Variants in ASXL2 observed in about 807,000 individuals in gnomAD.
ASXL2 encodes putative Polycomb group protein ASXL2.
ASXL2 carries 23 observed loss-of-function variants against 122.0 expected under a neutral mutation model. The observed-to-expected ratio is 0.19, with a 90% confidence interval of 0.14 to 0.27. The LOEUF is 0.27. Ranked by LOEUF, ASXL2 falls within the 10% of genes least tolerant of loss-of-function variation. The probability of loss-of-function intolerance (pLI) is 1.00; values close to 1 mark genes in which losing one functional copy is unlikely to be tolerated. For synonymous variants in ASXL2, 650 were observed against 637.0 expected, an observed-to-expected ratio of 1.02 and a Z score of -0.31; for missense variants, 1,518 against 1,713.8, an observed-to-expected ratio of 0.89 and a Z score of 2.02.
At chr2:25,786,209 A>G (rs1008518468) in intron 5 of ASXL2, among the ~76,000 whole-genome samples, 5 of 151,648 alleles carry the variant, frequency 3.3e-5, no homozygotes, top group Admixed American at 1.3e-4. Flanking sequence ...TCTACTAAAA[A>G]GTATCTACAA....
chr2:25,828,579 A>G (rs1179039645), intron 3 of ASXL2, among the ~76,000 whole-genome samples: 32 of 151,192 alleles, frequency 2.1e-4, no homozygotes, highest in Admixed American at 2.1e-3. Flanking sequence ...TAATCCCAGC[A>G]CCTTGGGAGA....
At chr2:25,860,909 G>C (rs1361993715) in intron 1 of ASXL2, among the ~76,000 whole-genome samples, 1 of 151,678 alleles carries the variant, frequency 6.6e-6, no homozygotes, top group African/African-American at 2.4e-5. Flanking sequence ...CTACTTGGGA[G>C]GCTGAGGTGG....
At chr2:25,762,395 G>A (rs1204771062) in intron 8 of ASXL2, among the ~76,000 whole-genome samples, 3 of 151,450 alleles carry the variant, frequency 2.0e-5, no homozygotes, top group East Asian at 1.9e-4. Flanking sequence ...GCTGGGAGTC[G>A]TGGCCCATGC....
chr2:25,807,397 GAGA>G (rs1342610148), intron 3 of ASXL2, among the ~76,000 whole-genome samples: 2 of 152,174 alleles, frequency 1.3e-5, no homozygotes, highest in Non-Finnish European at 2.9e-5. Context: ...CGAAAATACA[GAGA>G]AGGTTTTCAT....
intron 2 of ASXL2, among the ~76,000 whole-genome samples, chr2:25,839,059 T>C (rs975463417): frequency 6.6e-6 from 1 of 152,154 alleles, no homozygotes; most frequent in African/African-American, 2.4e-5. Flanking sequence ...ATAATATAGA[T>C]TTTTAAAAAG....
At chr2:25,822,401 G>A (rs2089323141) in intron 3 of ASXL2, 4 of 241,912 alleles carry the variant, frequency 1.7e-5, no homozygotes, top group Admixed American at 1.0e-4. Flanking sequence ...GAGAGAAGTC[G>A]ACTCCCTAGC....
At position 25,848,900 on chromosome 2, in the gene ASXL2, AC is replaced by A. The variant is rs529508268; in HGVS notation, c.58-3338del. Among the ~76,000 whole-genome samples the A allele has an allele frequency of 8.5e-3, 1,264 of 148,142 alleles. 20 individuals carry two copies. Among genetic ancestry groups the A allele is most frequent in the African/African-American group, 0.03 (1,183 of 40,000 alleles). ...GTCTCTACTAAAAATACAAAAATTAACTGGGCATGGTGGCAGGTGCCTGTAG... is the reference window on the plus strand; with the variant it reads ...GTCTCTACTAAAAATACAAAAATTAATGGGCATGGTGGCAGGTGCCTGTAG... On this transcript the variant is annotated intron_variant, in intron 1 of 12. Transcript: ENST00000435504.
Position 25,742,025 on chromosome 2 carries a change from C to G in ASXL2, c.*4G>C. Reference sequence around the variant, plus strand: ...CCTTTACAGTGTATCTCTTTCTAGTCTCATTACCGAACGACAAGGCAGGAG... The same window carrying G: ...CCTTTACAGTGTATCTCTTTCTAGTGTCATTACCGAACGACAAGGCAGGAG... On this transcript the variant is annotated 3_prime_UTR_variant, in exon 13 of 13. Coordinates refer to ENST00000435504, the MANE Select transcript of ASXL2 (RefSeq NM_018263.6). 1 of 1,608,392 alleles carries G rather than the reference C, an allele frequency of 6.2e-7. No individual in the cohort carries two copies. Among genetic ancestry groups the G allele is most frequent in the African/African-American group, 1.3e-5 (1 of 75,004 alleles).
intron 1 of ASXL2, among the ~76,000 whole-genome samples, chr2:25,845,951 G>A (rs958207882): frequency 1.3e-5 from 2 of 152,188 alleles, no homozygotes; most frequent in African/African-American, 2.4e-5. Context: ...AACCTGGACA[G>A]AATGCATGAA....
Position 25,744,064 on chromosome 2 carries a change from G to A in ASXL2, c.2273C>T (p.Thr758Ile). ...PETQPQSETK[T>I]TPSQAQPHSV... ...ATGAGGCTGTGCCTGGCTTGGGGTG[G>A]TCTTGGTCTCAGACTGGGGCTGAGT... Residue 758 changes from threonine to isoleucine, a missense_variant, in exon 13 of 13, where the codon ACC becomes ATC. This residue lies in a region of ASXL2 where 831 missense variants were observed against 833.1 expected (regional missense o/e 1.00). Coordinates refer to ENST00000435504, the MANE Select transcript of ASXL2 (RefSeq NM_018263.6). This position sits in a 1 kb window ranked among gnomAD's most constrained non-coding sequence, Gnocchi z 4.7. The A allele has an allele frequency of 2.5e-6, 4 of 1,613,998 alleles. No homozygotes were observed. The highest frequency in any genetic ancestry group is 3.4e-6 in the Non-Finnish European group (4 of 1,179,880).
At chr2:25,773,943 T>A (rs2088503972) in intron 5 of ASXL2, among the ~76,000 whole-genome samples, 1 of 151,722 alleles carries the variant, frequency 6.6e-6, no homozygotes, top group South Asian at 2.1e-4. Flanking sequence ...GGCAGGAGAA[T>A]CACTTGAACC....
At chr2:25,781,670 CTT>C (rs34167762) in intron 5 of ASXL2, among the ~76,000 whole-genome samples, 8 of 121,720 alleles carry the variant, frequency 6.6e-5, no homozygotes, top group East Asian at 2.3e-4. Context: ...ACACACCTGG[CTT>C]TTTTTTTTTT....
intron 3 of ASXL2, among the ~76,000 whole-genome samples, chr2:25,814,328 T>C (rs956245963): frequency 1.3e-5 from 2 of 152,132 alleles, no homozygotes; most frequent in African/African-American, 2.4e-5. Flanking sequence ...CATGGGAAGG[T>C]AGAGCTCCAG....
intron 8 of ASXL2, among the ~76,000 whole-genome samples, chr2:25,762,198 T>A (rs1023219430): frequency 6.6e-6 from 1 of 151,908 alleles, no homozygotes; most frequent in Non-Finnish European, 1.5e-5. Flanking sequence ...ATATATCAAT[T>A]TTTTAGAAGT....
chr2:25,777,273 A>T (rs572981990), intron 5 of ASXL2, among the ~76,000 whole-genome samples: 169 of 151,614 alleles, frequency 1.1e-3, no homozygotes, highest in African/African-American at 3.6e-3. Flanking sequence ...TTTTTTTTTT[A>T]AAAGATGGGG....
At chr2:25,828,661 T>G (rs1022379703) in intron 3 of ASXL2, among the ~76,000 whole-genome samples, 1 of 151,188 alleles carries the variant, frequency 6.6e-6, no homozygotes, top group South Asian at 2.1e-4. Context: ...CCATCTCTAC[T>G]AAAAATACAA....
chr2:25,763,426 G>T (rs1251443838), intron 8 of ASXL2, among the ~76,000 whole-genome samples: 1 of 151,858 alleles, frequency 6.6e-6, no homozygotes, highest in Non-Finnish European at 1.5e-5. Context: ...GGAGGCGGAG[G>T]TTGCAGTGAG....
At chr2:25,817,656 C>T (rs146223467) in intron 3 of ASXL2, among the ~76,000 whole-genome samples, 238 of 152,254 alleles carry the variant, frequency 1.6e-3, no homozygotes, top group African/African-American at 5.5e-3. Context: ...GACAATAGAG[C>T]TCTTTTTGAA....
At chr2:25,791,315 C>T (rs1435811723) in intron 5 of ASXL2, among the ~76,000 whole-genome samples, 3 of 151,876 alleles carry the variant, frequency 2.0e-5, no homozygotes, top group Admixed American at 6.6e-5. Flanking sequence ...GGCAAAACCC[C>T]GTCTCTACTA....
Sources: allele counts gnomAD v4.1 joint callset (sites outside exome capture counted in the v4.1 genomes callset), GRCh38; gene constraint gnomAD v4.1.1; regional missense constraint gnomAD v4.1.1; non-coding constraint Gnocchi (gnomAD v3.1); transcripts MANE v1.5; gene names NCBI Gene and HGNC (gene_info 2026-07-23, HGNC 2026-07-21).